Variants in SMYD3 observed in about 807,000 individuals in gnomAD.
SMYD3 encodes SET and MYND domain containing 3, also known as histone-lysine N-methyltransferase SMYD3.
A neutral mutation model predicts 57.7 loss-of-function variants in SMYD3; 36 were observed. That is an observed-to-expected ratio of 0.62 (90% CI 0.48 to 0.82). The LOEUF is 0.82. Among genes scored for constraint, SMYD3 ranks in the 40% least tolerant of loss-of-function variants. The probability of loss-of-function intolerance (pLI) is 0.00; values close to 1 mark genes in which losing one functional copy is unlikely to be tolerated. For synonymous variants in SMYD3, 211 were observed against 195.0 expected, an observed-to-expected ratio of 1.08 and a Z score of -0.68; for missense variants, 515 against 538.8, an observed-to-expected ratio of 0.96 and a Z score of 0.44.
chr1:246,288,187 C>T (rs1299084596), intron 5 of SMYD3, among the ~76,000 whole-genome samples: 3 of 149,208 alleles, frequency 2.0e-5, no homozygotes, highest in Admixed American at 1.4e-4. Context: ...GATTCTTCTG[C>T]CTCAGCCTCC....
chr1:246,397,411 T>C (rs934385894), intron 1 of SMYD3, among the ~76,000 whole-genome samples: 7 of 152,176 alleles, frequency 4.6e-5, no homozygotes, highest in Admixed American at 3.3e-4. Context: ...ATATTAGCTC[T>C]GTGACCTTCT....
At chr1:245,856,791 C>T (rs1308509340) in intron 10 of SMYD3, among the ~76,000 whole-genome samples, 4 of 152,154 alleles carry the variant, frequency 2.6e-5, no homozygotes, top group African/African-American at 9.7e-5. Context: ...CAGTGCAGCG[C>T]TAGCCAAGAG....
intron 5 of SMYD3, among the ~76,000 whole-genome samples, chr1:246,236,579 T>C (rs893728095): frequency 2.0e-5 from 3 of 152,036 alleles, no homozygotes; most frequent in African/African-American, 7.2e-5. Context: ...CACGCCTGGT[T>C]AATTTTTTGT....
intron 10 of SMYD3, among the ~76,000 whole-genome samples, chr1:245,792,514 T>C (rs1335465865): frequency 6.6e-6 from 1 of 152,198 alleles, no homozygotes; most frequent in African/African-American, 2.4e-5. Flanking sequence ...AAGATTCTGA[T>C]CACTTTGAGA....
At chr1:246,424,362 A>G (rs973275408) in intron 1 of SMYD3, among the ~76,000 whole-genome samples, 1 of 152,088 alleles carries the variant, frequency 6.6e-6, no homozygotes, top group African/African-American at 2.4e-5. Context: ...AAAATGGAAT[A>G]TTAATAAATA....
chr1:246,248,641 T>TTTTTTG (rs2063748329), intron 5 of SMYD3, among the ~76,000 whole-genome samples: 1 of 113,844 alleles, frequency 8.8e-6, no homozygotes, highest in South Asian at 3.1e-4. Context: ...CTTTCCTTTT[T>TTTTTTG]TTTTTTTTTT....
At position 246,068,480 on chromosome 1, in the gene SMYD3, A is replaced by G. The variant is rs190743167; in HGVS notation, c.532-138543T>C. Among the ~76,000 whole-genome samples, 196 of 152,332 alleles carry G rather than the reference A, an allele frequency of 1.3e-3. 2 individuals are homozygous for G. Among genetic ancestry groups the G allele is most frequent in the Non-Finnish European group, 2.8e-4 (19 of 68,020 alleles). On this transcript the variant is annotated intron_variant, in intron 5 of 11. Transcript: ENST00000490107. ...AATGATGATCTAAACCTAAATGGTTAAAGTCTTTGCTGATGGATGCAGAGC... is the reference window on the plus strand; with the variant it reads ...AATGATGATCTAAACCTAAATGGTTGAAGTCTTTGCTGATGGATGCAGAGC...
At chr1:246,248,808 A>ATTTTTTTTTTTTT (rs1164274725) in intron 5 of SMYD3, among the ~76,000 whole-genome samples, 2 of 90,426 alleles carry the variant, frequency 2.2e-5, no homozygotes, top group Non-Finnish European at 4.1e-5. Flanking sequence ...TGCCCGGCTA[A>ATTTTTTTTTTTTT]TTTTTTTTTT....
intron 5 of SMYD3, among the ~76,000 whole-genome samples, chr1:246,192,096 G>A (rs938200666): frequency 6.6e-6 from 1 of 152,022 alleles, no homozygotes; most frequent in South Asian, 2.1e-4. Flanking sequence ...GGCTTTTGTT[G>A]TTGTTTTTGT....
At chr1:246,470,734 C>T (rs964824813) in intron 1 of SMYD3, among the ~76,000 whole-genome samples, 3 of 151,298 alleles carry the variant, frequency 2.0e-5, no homozygotes, top group Non-Finnish European at 4.4e-5. Flanking sequence ...AAAAATCCTA[C>T]ACTGGATCTT....
intron 1 of SMYD3, among the ~76,000 whole-genome samples, chr1:246,420,007 T>C (rs1025386513): frequency 1.1e-4 from 17 of 152,332 alleles, no homozygotes; most frequent in Admixed American, 9.8e-4. Context: ...TTCTCCATCC[T>C]GGCTAACACG....
At chr1:246,094,746 C>T (rs1343819312) in intron 5 of SMYD3, among the ~76,000 whole-genome samples, 2 of 152,192 alleles carry the variant, frequency 1.3e-5, no homozygotes, top group Admixed American at 1.3e-4. Flanking sequence ...ATGAGCCATA[C>T]TTCATTTCTT....
chr1:246,019,222 G>A (rs1002121359), intron 5 of SMYD3, among the ~76,000 whole-genome samples: 2 of 152,120 alleles, frequency 1.3e-5, no homozygotes, highest in Non-Finnish European at 2.9e-5. Flanking sequence ...TGAAGACTGG[G>A]TAGGAAAGTA....
At chr1:246,193,688 C>G (rs1333756429) in intron 5 of SMYD3, 1 of 152,398 alleles carries the variant, frequency 6.6e-6, no homozygotes, top group Non-Finnish European at 1.5e-5. Context: ...AGACACAGCC[C>G]TAGTGGTCTT....
intron 1 of SMYD3, among the ~76,000 whole-genome samples, chr1:246,419,779 T>C (rs985150990): frequency 6.6e-6 from 1 of 152,196 alleles, no homozygotes; most frequent in East Asian, 1.9e-4. Context: ...TACCTGATGA[T>C]CCAAGGTGGA....
Position 246,407,447 on chromosome 1 carries a change from A to C in SMYD3, c.165-52353T>G, listed in dbSNP as rs183540193. 3.0e-3 allele frequency among the ~76,000 whole-genome samples: 459 copies of C among 152,330 alleles called. 7 individuals carry two copies. Among genetic ancestry groups the C allele is most frequent in the African/African-American group, 0.01 (433 of 41,572 alleles). On this transcript the variant is annotated intron_variant, in intron 1 of 11. Transcript: ENST00000490107. ...ACATTCACAGTAAGGCTGCGCCATGACCGCTCTCCTAGTGCCAAAACATTT... is the reference window on the plus strand; with the variant it reads ...ACATTCACAGTAAGGCTGCGCCATGCCCGCTCTCCTAGTGCCAAAACATTT...
chr1:246,113,830 A>G (rs566919080), intron 5 of SMYD3: 1 of 152,340 alleles, frequency 6.6e-6, no homozygotes, highest in Admixed American at 6.5e-5. Context: ...TTAGAAAAAG[A>G]GTGTGGGTAA....
chr1:245,841,220 T>C (rs879790312), intron 10 of SMYD3, among the ~76,000 whole-genome samples: 1 of 152,232 alleles, frequency 6.6e-6, no homozygotes, highest in Non-Finnish European at 1.5e-5. Flanking sequence ...GATTTAATAC[T>C]CACAATGGGA....
At chr1:246,485,659 G>T (rs905395336) in intron 1 of SMYD3, among the ~76,000 whole-genome samples, 7 of 152,018 alleles carry the variant, frequency 4.6e-5, no homozygotes, top group African/African-American at 7.2e-5. Context: ...TGGGGGTGGT[G>T]GTTCGTGCCT....
Sources: allele counts gnomAD v4.1 joint callset (sites outside exome capture counted in the v4.1 genomes callset), GRCh38; gene constraint gnomAD v4.1.1; transcripts MANE v1.5; gene names NCBI Gene and HGNC (gene_info 2026-07-23, HGNC 2026-07-21).